CISD3: variants seen among roughly 807,000 people sequenced by gnomAD.
CISD3 encodes CDGSH iron-sulfur domain-containing protein 3, mitochondrial.
In CISD3, 11 loss-of-function variants were observed where a neutral mutation model predicts 14.1. The observed-to-expected ratio is 0.78, with a 90% CI of 0.49 to 1.29. CISD3 has a LOEUF of 1.29. Among genes scored for constraint, CISD3 ranks in the 50% most tolerant of loss-of-function variants. The pLI, the probability that CISD3 is intolerant of heterozygous loss-of-function variation, is 0.00. For synonymous variants in CISD3, 53 were observed against 69.2 expected, an observed-to-expected ratio of 0.77 and a Z score of 1.16; for missense variants, 156 against 171.6, an observed-to-expected ratio of 0.91 and a Z score of 0.51.
chr17:38,731,706 C>T (rs1038593170), intron 3 of CISD3: 14 of 481,530 alleles, frequency 2.9e-5, no homozygotes, highest in Non-Finnish European at 1.1e-5. Flanking sequence ...CTGTTTGTTT[C>T]TCAGAGGTGC....
chr17:38,735,224 CAAGTT>C lies in CISD3; in HGVS notation c.*1773_*1777del. On this transcript the variant is annotated 3_prime_UTR_variant, in exon 4 of 4. Transcript: ENST00000613478. The stretch of plus-strand genomic sequence containing the variant: ...GAAGAAGGGAGAGGGTCCCTGGCCT[CAAGTT>C]AAGGGGGGCACGGGAGCGCCGTTGA... 1.4e-6 allele frequency: 2 copies of C among 1,408,368 alleles called. No individual in the cohort carries two copies. The highest frequency in any genetic ancestry group is 1.9e-6 in the Non-Finnish European group (2 of 1,071,226). The allele number at this position is 1,408,368 out of a possible 1,614,324, so 87.2% of individuals were successfully genotyped here.
At chr17:38,730,616 C>A in intron 1 of CISD3, 144 bp from the exon 2 acceptor site, 1 of 893,090 alleles carries the variant, frequency 1.1e-6, no homozygotes. Context: ...CTTTTTCTTA[C>A]CCTCTCATTC....
chr17:38,730,870 A>T (rs1906301441), intron 2 of CISD3, 75 bp downstream of exon 2: 16 of 1,448,654 alleles, frequency 1.1e-5, no homozygotes, highest in Non-Finnish European at 1.4e-5. Context: ...GAAACAGGAA[A>T]TGGAGCTAGG....
intron 3 of CISD3, among the ~76,000 whole-genome samples, chr17:38,732,938 G>GACACACACACACACACACACACACAC (rs148830489): frequency 8.6e-6 from 1 of 116,572 alleles, no homozygotes; most frequent in African/African-American, 2.9e-5. Flanking sequence ...GAGACTCAGA[G>GACACACACACACACACACACACACAC]ACACACACAC....
rs761148400 is a variant in CISD3, at chr17:38,733,309, A to G, written c.238A>G (p.Thr80Ala). The change falls in exon 4 of 4, where the codon ACT (threonine) becomes GCT (alanine). Residue 80 changes from threonine (T) to alanine (A), a missense_variant. Thr to Ala is a moderately conservative substitution (Grantham distance 58). Transcript: ENST00000613478. ...FCDGSHFFQR[T>A]GLSPLKFKAQ... The stretch of plus-strand genomic sequence containing the variant: ...TGACGGCTCCCACTTCTTCCAACGC[A>G]CTGGCCTATCTCCACTCAAGTTCAA... 16 of 1,551,466 alleles carry G rather than the reference A, an allele frequency of 1.0e-5. No homozygotes were observed. Among genetic ancestry groups the G allele is most frequent in the Non-Finnish European group, 1.3e-5 (15 of 1,146,944 alleles).
intron 2 of CISD3, 96 bp from the exon 3 acceptor site, chr17:38,731,220 CCACA>C: frequency 6.8e-7 from 1 of 1,466,392 alleles, no homozygotes; most frequent in Non-Finnish European, 9.1e-7. Context: ...AGGAAACCTG[CCACA>C]CACACAGGCC....
Position 38,733,646 on chromosome 17 carries a change from A to G in CISD3, c.*191A>G, listed in dbSNP as rs1004296184. 1.5e-5 allele frequency: 9 copies of G among 587,606 alleles called. No homozygotes were observed. The highest frequency in any genetic ancestry group is 2.7e-5 in the South Asian group (1 of 37,086). The allele number at this position is 587,606 out of a possible 1,614,324, so 36.4% of individuals were successfully genotyped here. ...GCAGGCGGGAGTGGGCCCTGGTTCA[A>G]TGTTTGCTGATGGGGAAGATGGCAA... On this transcript the variant is annotated 3_prime_UTR_variant, in exon 4 of 4. Transcript: ENST00000613478.
At chr17:38,732,197 A>G (rs1381388184) in intron 3 of CISD3, among the ~76,000 whole-genome samples, 1 of 152,122 alleles carries the variant, frequency 6.6e-6, no homozygotes, top group Non-Finnish European at 1.5e-5. Flanking sequence ...TATTCCTTCA[A>G]GCTATGTGGC....
intron 3 of CISD3, 76 bp from the exon 4 acceptor site, chr17:38,733,200 C>A: frequency 7.0e-7 from 1 of 1,420,468 alleles, no homozygotes; most frequent in South Asian, 1.3e-5. Context: ...TCCACTCCCC[C>A]TGAGCTCCTG....
chr17:38,735,280 G>A lies in CISD3; in HGVS notation c.*1825G>A. 2 of 1,480,850 alleles carry A rather than the reference G, an allele frequency of 1.4e-6. No homozygotes were observed. The highest frequency in any genetic ancestry group is 1.8e-6 in the Non-Finnish European group (2 of 1,105,060). 91.7% of individuals were successfully genotyped at this position (1,480,850 alleles called of 1,614,324 possible). On this transcript the variant is annotated 3_prime_UTR_variant, in exon 4 of 4. Transcript: ENST00000613478. ...CAGTCATCTTGCGCCCCCTGCTGGTGGAGGATGGTGTCTGCAGGCAGTTCA... is the reference window on the plus strand; with the variant it reads ...CAGTCATCTTGCGCCCCCTGCTGGTAGAGGATGGTGTCTGCAGGCAGTTCA...
At chr17:38,733,185 T>A in intron 3 of CISD3, 91 bp from the exon 4 acceptor site, 3 of 1,249,680 alleles carry the variant, frequency 2.4e-6, no homozygotes, top group Non-Finnish European at 3.4e-6. Context: ...CCCTAACCAC[T>A]GTGCTCCACT....
At chr17:38,732,690 T>G (rs1008034652) in intron 3 of CISD3, among the ~76,000 whole-genome samples, 3 of 152,078 alleles carry the variant, frequency 2.0e-5, no homozygotes, top group Non-Finnish European at 4.4e-5. Context: ...ATGTCACCTT[T>G]CTGGGCCTGT....
Position 38,730,408 on chromosome 17 carries a change from T to G in CISD3, c.48+2T>G. ...CGGCCGGCGGCGCGTGGTGCCCGGG[T>G]GAGCACCCCCGCCCTGCACCAGCCC... On this transcript the variant is annotated splice_donor_variant, in intron 1 of 3. Coordinates refer to ENST00000613478, the MANE Select transcript of CISD3 (RefSeq NM_001136498.2). LOFTEE classifies it high-confidence loss of function. 1 of 1,223,060 alleles carries G rather than the reference T, an allele frequency of 8.2e-7. No individual in the cohort carries two copies. The highest frequency in any genetic ancestry group is 1.0e-6 in the Non-Finnish European group (1 of 980,462). 75.8% of individuals were successfully genotyped at this position (1,223,060 alleles called of 1,614,324 possible).
chr17:38,733,695 G>T lies in CISD3; in HGVS notation c.*240G>T, dbSNP rs1025065096. On this transcript the variant is annotated 3_prime_UTR_variant, in exon 4 of 4. Transcript: ENST00000613478. ...AAAAACAAGCCTGCCCAACCAGACT[G>T]GTAGTCCTGCAGTCACTGCTATGAG... 5.5e-5 allele frequency: 29 copies of T among 524,442 alleles called. 1 individual carries two copies. Among genetic ancestry groups the T allele is most frequent in the Non-Finnish European group, 9.0e-5 (27 of 299,474 alleles). The allele number at this position is 524,442 out of a possible 1,614,324, so 32.5% of individuals were successfully genotyped here.
chr17:38,735,015 A>C lies in CISD3; in HGVS notation c.*1560A>C. ...ACACATAAAGTTTGTTTCCTGTGGC[A>C]TTTAAATTAATCTGGTTGGTCCATA... On this transcript the variant is annotated 3_prime_UTR_variant, in exon 4 of 4. Transcript: ENST00000613478. 1 of 389,718 alleles carries C rather than the reference A, an allele frequency of 2.6e-6. No individual in the cohort carries two copies. Among genetic ancestry groups the C allele is most frequent in the Non-Finnish European group, 4.5e-6 (1 of 220,142 alleles). 24.1% of individuals were successfully genotyped at this position (389,718 alleles called of 1,614,324 possible).
intron 1 of CISD3, 106 bp downstream of exon 1, chr17:38,730,512 C>A (rs910214427): frequency 1.9e-6 from 2 of 1,028,642 alleles, no homozygotes; most frequent in Non-Finnish European, 2.7e-6. Flanking sequence ...GCTCCCGGCC[C>A]GTCCCGCCGG....
intron 3 of CISD3, among the ~76,000 whole-genome samples, chr17:38,732,360 C>T (rs1473821490): frequency 1.3e-5 from 2 of 152,174 alleles, no homozygotes; most frequent in African/African-American, 4.8e-5. Flanking sequence ...TTCAGCCAGG[C>T]GAGGTGGCTC....
intron 2 of CISD3, 37 bp downstream of exon 2, chr17:38,730,832 A>AC (rs1199329171): frequency 2.1e-5 from 32 of 1,540,346 alleles, no homozygotes; most frequent in Non-Finnish European, 2.7e-5. Context: ...CTCGCACAAG[A>AC]CCCCCAGGCA....
chr17:38,734,976 C>A lies in CISD3; in HGVS notation c.*1521C>A. On this transcript the variant is annotated 3_prime_UTR_variant, in exon 4 of 4. Transcript: ENST00000613478. ...CCCCAAAAAAAATGAACACCATTTTCCACACATACACACACACATAAAGTT... is the reference window on the plus strand; with the variant it reads ...CCCCAAAAAAAATGAACACCATTTTACACACATACACACACACATAAAGTT... 2.9e-6 allele frequency: 1 copy of A among 345,188 alleles called. No homozygotes were observed. The highest frequency in any genetic ancestry group is 5.2e-6 in the Non-Finnish European group (1 of 193,552). 21.4% of individuals were successfully genotyped at this position (345,188 alleles called of 1,614,324 possible). A position where few individuals can be genotyped will look rare whatever the true frequency, so the allele number is the denominator to read the frequency against.
Sources: gnomAD v4.1 joint callset for allele counts (sites outside exome capture counted in the v4.1 genomes callset) on GRCh38, gnomAD v4.1.1 for gene constraint, MANE v1.5 for transcripts, NCBI Gene and HGNC (gene_info 2026-07-23, HGNC 2026-07-21) for gene names.